ZBTB20: variants seen among roughly 807,000 people sequenced by gnomAD.
ZBTB20 encodes the protein zinc finger and BTB domain containing 20, also known as zinc finger and BTB domain-containing protein 20.
In ZBTB20, 9 loss-of-function variants were observed where a neutral mutation model predicts 56.9. The observed-to-expected ratio is 0.16, with a 90% CI of 0.10 to 0.28. ZBTB20 has a LOEUF of 0.28. Ranked by LOEUF, ZBTB20 falls within the 10% of genes least tolerant of loss-of-function variation. ZBTB20 has a pLI of 1.00. For missense variants in ZBTB20, 655 were observed against 1,003.0 expected (o/e 0.65, Z 4.69); for synonymous variants, 417 against 420.7 (o/e 0.99, Z 0.11).
At chr3:114,840,390 G>C (rs2074332518) in intron 4 of ZBTB20, among the ~76,000 whole-genome samples, 1 of 152,180 alleles carries the variant, frequency 6.6e-6, no homozygotes, top group South Asian at 2.1e-4. Context: ...GTGGAAACTA[G>C]TTGTACAATA....
intron 7 of ZBTB20, among the ~76,000 whole-genome samples, chr3:114,391,573 T>C (rs1207926344): frequency 1.3e-5 from 2 of 152,252 alleles, no homozygotes; most frequent in East Asian, 3.8e-4. Flanking sequence ...TTGTCTTCCT[T>C]CTTCATAAGC....
At chr3:114,362,826 A>G (rs2082028911) in intron 10 of ZBTB20, among the ~76,000 whole-genome samples, 2 of 152,264 alleles carry the variant, frequency 1.3e-5, no homozygotes, top group Non-Finnish European at 2.9e-5. Flanking sequence ...AAAAATGATC[A>G]GGCCAAACTC....
intron 7 of ZBTB20, among the ~76,000 whole-genome samples, chr3:114,400,879 T>C (rs895896144): frequency 1.3e-5 from 2 of 152,106 alleles, no homozygotes; most frequent in Admixed American, 6.6e-5. Context: ...ATCAGGAGAA[T>C]GGCTGTACCG....
intron 3 of ZBTB20, among the ~76,000 whole-genome samples, chr3:114,915,306 A>G (rs1576313520): frequency 6.6e-6 from 1 of 151,896 alleles, no homozygotes; most frequent in African/African-American, 2.4e-5. Context: ...TAGGTTGTAT[A>G]TGTCTAGGAA....
chr3:114,446,286 C>T (rs1341952453), intron 7 of ZBTB20, among the ~76,000 whole-genome samples: 1 of 152,046 alleles, frequency 6.6e-6, no homozygotes, highest in Admixed American at 6.6e-5. Context: ...TTGTTCTCTC[C>T]TGGTTATTTT....
At chr3:114,712,246 T>G (rs970966644) in intron 5 of ZBTB20, among the ~76,000 whole-genome samples, 2 of 152,160 alleles carry the variant, frequency 1.3e-5, no homozygotes, top group Non-Finnish European at 2.9e-5. Context: ...AACTGCTATT[T>G]TCCACAGTAT....
At chr3:114,549,381 T>C (rs1260666777) in intron 6 of ZBTB20, among the ~76,000 whole-genome samples, 1 of 152,206 alleles carries the variant, frequency 6.6e-6, no homozygotes, top group Admixed American at 6.5e-5. Context: ...TGTTTCTATG[T>C]TCTTTATTAA....
chr3:114,469,502 C>T, intron 7 of ZBTB20, among the ~76,000 whole-genome samples: 1 of 152,222 alleles, frequency 6.6e-6, no homozygotes, highest in East Asian at 1.9e-4. Context: ...TTCCCATTAA[C>T]ATCCACCTGC....
chr3:114,651,272 A>G (rs1242031972), intron 6 of ZBTB20, among the ~76,000 whole-genome samples: 2 of 152,084 alleles, frequency 1.3e-5, no homozygotes, highest in Non-Finnish European at 2.9e-5. Flanking sequence ...GGGGACAGCT[A>G]GAAAGAAATG....
rs1010112547 is a variant in ZBTB20, at chr3:114,659,355, C to T, written c.-295+34173G>A. 2.0e-5 allele frequency among the ~76,000 whole-genome samples: 3 copies of T among 152,200 alleles called. No homozygotes were observed. In the South Asian group the frequency reaches 6.2e-4, roughly 32 times the overall value. On this transcript the variant is annotated intron_variant, in intron 6 of 11. Coordinates refer to ENST00000675478, the MANE Select transcript of ZBTB20 (RefSeq NM_001348800.3). ...TGAACTCCCAGAGGGGCTGTGGTAA[C>T]TGCCCAACTAGGAAGCCCTACCCTT...
intron 2 of ZBTB20, among the ~76,000 whole-genome samples, chr3:115,011,203 G>T (rs766805082): frequency 5.9e-5 from 9 of 151,858 alleles, no homozygotes; most frequent in Non-Finnish European, 1.3e-4. Context: ...CCTTAAAGAG[G>T]AGGAAGAGAA....
At chr3:114,757,393 AT>A (rs527744274) in intron 5 of ZBTB20, among the ~76,000 whole-genome samples, 50 of 152,164 alleles carry the variant, frequency 3.3e-4, no homozygotes, top group Admixed American at 9.2e-4. Flanking sequence ...GTTGCAAAAC[AT>A]TTTTTTAAAA....
chr3:114,649,062 A>T (rs2059994777), intron 6 of ZBTB20, among the ~76,000 whole-genome samples: 1 of 152,038 alleles, frequency 6.6e-6, no homozygotes, highest in African/African-American at 2.4e-5. Flanking sequence ...TTCTTCCCAA[A>T]TAATACAATG....
At chr3:114,399,662 C>T (rs2108687390) in intron 7 of ZBTB20, among the ~76,000 whole-genome samples, 1 of 151,970 alleles carries the variant, frequency 6.6e-6, no homozygotes, top group South Asian at 2.1e-4. Context: ...GGTGGCCTGC[C>T]TATTGGGTGT....
intron 6 of ZBTB20, among the ~76,000 whole-genome samples, chr3:114,562,345 A>G (rs980534255): frequency 3.9e-5 from 6 of 151,998 alleles, no homozygotes; most frequent in Non-Finnish European, 8.8e-5. Flanking sequence ...TTGTATTTTT[A>G]GTAGAGACGG....
chr3:114,451,410 T>C (rs2091599012), intron 7 of ZBTB20, among the ~76,000 whole-genome samples: 1 of 151,862 alleles, frequency 6.6e-6, no homozygotes, highest in Admixed American at 6.6e-5. Flanking sequence ...GCATATAGGA[T>C]CTCCAGCCTC....
intron 10 of ZBTB20, among the ~76,000 whole-genome samples, chr3:114,355,138 A>G (rs1277037639): frequency 6.6e-6 from 1 of 152,244 alleles, no homozygotes; most frequent in Non-Finnish European, 1.5e-5. Flanking sequence ...AGGTTGCTTT[A>G]GAGATAAGAA....
chr3:115,050,182 G>A (rs949568838), intron 2 of ZBTB20, among the ~76,000 whole-genome samples: 2 of 151,872 alleles, frequency 1.3e-5, no homozygotes, highest in Admixed American at 6.6e-5. Context: ...ATGTGGTTCG[G>A]AAAACATTGA....
intron 4 of ZBTB20, among the ~76,000 whole-genome samples, chr3:114,803,862 T>C (rs1415124951): frequency 2.0e-5 from 3 of 150,736 alleles, no homozygotes; most frequent in African/African-American, 7.3e-5. Flanking sequence ...GTGTCATCAA[T>C]AAGAAAACTT....
Sources: allele counts gnomAD v4.1 joint callset (sites outside exome capture counted in the v4.1 genomes callset), GRCh38; gene constraint gnomAD v4.1.1; transcripts MANE v1.5; gene names NCBI Gene and HGNC (gene_info 2026-07-23, HGNC 2026-07-21).